Variants in ITGA7 observed in about 807,000 individuals in gnomAD.
ITGA7 encodes integrin alpha-7.
In ITGA7, 84 loss-of-function variants were observed where a neutral mutation model predicts 131.6. That is an observed-to-expected ratio of 0.64 (90% confidence interval 0.54 to 0.77). The LOEUF (loss-of-function observed/expected upper bound fraction) is 0.77, where lower values mean the gene tolerates loss of function less well. Among genes scored for constraint, ITGA7 ranks in the 30% least tolerant of loss-of-function variants. The probability of loss-of-function intolerance (pLI) is 0.00; values close to 1 mark genes in which losing one functional copy is unlikely to be tolerated. For missense variants in ITGA7, 1,399 were observed against 1,482.9 expected (o/e 0.94, Z 0.93); for synonymous variants, 548 against 600.7 (o/e 0.91, Z 1.28).
chr12:55,693,070 C>G, intron 20 of ITGA7, 71 bp downstream of exon 20: 1 of 1,610,912 alleles, frequency 6.2e-7, no homozygotes, highest in Non-Finnish European at 8.5e-7. Context: ...TGCCCCATCA[C>G]TGCACTCACT....
Position 55,694,007 on chromosome 12 carries a change from T to C in ITGA7, c.2535+14A>G, listed in dbSNP as rs1050564421. The C allele has an allele frequency of 1.2e-6, 2 of 1,604,906 alleles. No homozygotes were observed. Among genetic ancestry groups the C allele is most frequent in the African/African-American group, 2.7e-5 (2 of 74,724 alleles). On this transcript the variant is annotated intron_variant, in intron 19 of 24. Coordinates refer to ENST00000257879, the MANE Select transcript of ITGA7 (RefSeq NM_002206.3). This position sits in a 1 kb window ranked among gnomAD's most constrained non-coding sequence, Gnocchi z 5.3. ...GGAGGGTGACCATGGAGGGGCCTCA[T>C]CCCTGACACTTACCGTGACCTCATA...
chr12:55,698,111 G>A, intron 7 of ITGA7, 85 bp from the exon 8 acceptor site: 1 of 1,271,530 alleles, frequency 7.9e-7, no homozygotes. Flanking sequence ...AGTCACTCAG[G>A]TATGTTTTCT....
intron 3 of ITGA7, 142 bp from the exon 4 acceptor site, chr12:55,701,296 C>G (rs1037032016): frequency 1.2e-5 from 18 of 1,561,886 alleles, no homozygotes; most frequent in Non-Finnish European, 1.6e-5. Context: ...CACACACACC[C>G]CTATGCCGGC....
chr12:55,708,738 G>A (rs187358523), upstream of ITGA7, among the ~76,000 whole-genome samples: 1 of 152,306 alleles, frequency 6.6e-6, no homozygotes, highest in Non-Finnish European at 1.5e-5. Flanking sequence ...GGGATGTAAA[G>A]GGTGTCCCCA....
chr12:55,712,475 G>C, upstream of ITGA7: 1 of 593,590 alleles, frequency 1.7e-6, no homozygotes, highest in Non-Finnish European at 3.0e-6. Flanking sequence ...GGCCCAGCCA[G>C]TCAGTTTGGA....
Position 55,695,615 on chromosome 12 carries a change from C to T in ITGA7, c.1910G>A (p.Cys637Tyr), listed in dbSNP as rs1279583778. 1.9e-6 allele frequency: 3 copies of T among 1,613,934 alleles called. No homozygotes were observed. The highest frequency in any genetic ancestry group is 1.1e-5 in the South Asian group (1 of 91,084). ...GCTCTGGCAGATCTTGTCTTCACCA[C>T]AGCCTTGCTTCAGGAAGTGGATCTG... ...RAEIHFLKQGCGEDKICQSNL... is the reference protein window; with the variant it reads ...RAEIHFLKQGYGEDKICQSNL... Residue 637 changes from cysteine to tyrosine, a missense_variant, in exon 14 of 25, where the codon TGT (cysteine) becomes TAT (tyrosine). Coordinates refer to ENST00000257879, the MANE Select transcript of ITGA7 (RefSeq NM_002206.3).
intron 24 of ITGA7, among the ~76,000 whole-genome samples, 168 bp downstream of exon 24, chr12:55,687,803 T>C (rs1193432328): frequency 2.0e-5 from 3 of 152,164 alleles, no homozygotes; most frequent in African/African-American, 7.2e-5. Flanking sequence ...ATCTGATTTA[T>C]CTTTGAAACA....
Position 55,701,051 on chromosome 12 carries a change from CG to C in ITGA7, c.517del (p.Arg173GlyfsTer56), listed in dbSNP as rs2136056222. On this transcript the variant is annotated frameshift_variant, in exon 4 of 25. Transcript: ENST00000257879. LOFTEE classifies it high-confidence loss of function. ...CFVLSQDLAI[R>X]DELDGGEWKF... ...CCATTCCCCACCATCCAACTCATCC[CG>C]GATGGCCAGGTCCTGGCTGAGCACA... The C allele has an allele frequency of 6.2e-7, 1 of 1,614,212 alleles. No individual in the cohort carries two copies. The highest frequency in any genetic ancestry group is 1.1e-5 in the South Asian group (1 of 91,088).
At chr12:55,716,242 A>G (rs1412279308), upstream of ITGA7, 1 of 1,567,364 alleles carries the variant, frequency 6.4e-7, no homozygotes, top group East Asian at 2.4e-5. Flanking sequence ...GCCGCGGCCT[A>G]GCTTCAGCCC....
intron 24 of ITGA7, among the ~76,000 whole-genome samples, chr12:55,687,584 G>A (rs562895950): frequency 2.1e-5 from 3 of 144,600 alleles, no homozygotes; most frequent in Admixed American, 1.5e-4. Context: ...CCCACCTTTC[G>A]AGTTCAATCG....
chr12:55,701,349 T>C (rs1416267350), intron 3 of ITGA7, 195 bp from the exon 4 acceptor site: 3 of 1,555,572 alleles, frequency 1.9e-6, no homozygotes, highest in Non-Finnish European at 2.6e-6. Context: ...CACAGGTCCA[T>C]GCATAACCCA....
intron 5 of ITGA7, 114 bp downstream of exon 5, chr12:55,699,756 C>A: frequency 2.2e-6 from 3 of 1,337,044 alleles, no homozygotes; most frequent in Non-Finnish European, 3.1e-6. Context: ...GTATGTCTCC[C>A]TGGGTGTGTG....
chr12:55,700,582 C>T (rs985720454), intron 4 of ITGA7: 2 of 686,054 alleles, frequency 2.9e-6, no homozygotes, highest in Non-Finnish European at 4.8e-6. Flanking sequence ...TCAGCTCAGC[C>T]AGCAGCAGCG....
chr12:55,698,168 C>T lies in ITGA7; in HGVS notation c.1193-142G>A. ...ATCCCAGGCACTCTACATACATCAT[C>T]TTTAATCCTCTTGGCCACTCCCTGC... On this transcript the variant is annotated intron_variant, in intron 7 of 24. Transcript: ENST00000257879. 4 of 883,820 alleles carry T rather than the reference C, an allele frequency of 4.5e-6. No individual in the cohort carries two copies. In the East Asian group the frequency reaches 7.8e-5, roughly 17 times the overall value. 54.7% of individuals were successfully genotyped at this position (883,820 alleles called of 1,614,324 possible).
intron 1 of ITGA7, among the ~76,000 whole-genome samples, chr12:55,705,194 G>A (rs576821202): frequency 7.2e-5 from 11 of 152,118 alleles, no homozygotes; most frequent in African/African-American, 1.7e-4. Context: ...TGCCCAGTCC[G>A]CTCTTGGTGG....
chr12:55,686,632 C>G (rs1445971113), intron 24 of ITGA7, among the ~76,000 whole-genome samples: 1 of 152,150 alleles, frequency 6.6e-6, no homozygotes, highest in Non-Finnish European at 1.5e-5. Context: ...AACATAGCCC[C>G]CGATGTGGCA....
chr12:55,685,126 G>C lies in ITGA7; in HGVS notation c.3346C>G (p.Pro1116Ala), dbSNP rs754492884. 1 of 1,612,922 alleles carries C rather than the reference G, an allele frequency of 6.2e-7. No homozygotes were observed. ...SPRREGPDAH[P>A]ILAADGHPEL... ...GGATGCCCGTCAGCAGCCAGGATGG[G>C]GTGTGCATCCGGGCCCTCCCGCCGG... The change falls in exon 25 of 25, where the codon CCC becomes GCC. Residue 1116 changes from proline (P) to alanine (A), a missense_variant. Physicochemically the swap from Pro to Ala is conservative, Grantham distance 27. Transcript: ENST00000257879.
At position 55,694,556 on chromosome 12, in the gene ITGA7, G is replaced by A; in HGVS notation, c.2278-34C>T. ...AGGGTGGAAAGAGATTAGAGTCAGG[G>A]GTGGTCTACGGGCTTATGGAGAGGC... On this transcript the variant is annotated intron_variant, in intron 16 of 24. Coordinates refer to ENST00000257879, the MANE Select transcript of ITGA7 (RefSeq NM_002206.3). This position sits in a 1 kb window ranked among gnomAD's most constrained non-coding sequence, Gnocchi z 5.3. 2 of 1,613,034 alleles carry A rather than the reference G, an allele frequency of 1.2e-6. No homozygotes were observed. The highest frequency in any genetic ancestry group is 1.7e-6 in the Non-Finnish European group (2 of 1,178,978).
At chr12:55,686,224 C>T in intron 24 of ITGA7, 1 of 1,350,638 alleles carries the variant, frequency 7.4e-7, no homozygotes, top group Non-Finnish European at 9.8e-7. Context: ...GGACCCCCAA[C>T]TTCCATGGCT....
Sources: gnomAD v4.1 joint callset for allele counts (sites outside exome capture counted in the v4.1 genomes callset) on GRCh38, gnomAD v4.1.1 for gene constraint, Gnocchi (gnomAD v3.1) non-coding constraint, MANE v1.5 for transcripts, NCBI Gene and HGNC (gene_info 2026-07-23, HGNC 2026-07-21) for gene names.